The following PTPRT variants were observed in gnomAD, a reference collection of about 807,000 sequenced individuals.
PTPRT encodes protein tyrosine phosphatase receptor type T, also known as receptor-type tyrosine-protein phosphatase T.
PTPRT carries 56 observed loss-of-function variants against 176.8 expected under a neutral mutation model. The ratio of observed to expected loss-of-function variants is 0.32; its 90% CI spans 0.26 to 0.40. The LOEUF is 0.40. PTPRT is among the 10% of genes least tolerant of loss of function. The pLI is 1.00. For synonymous variants in PTPRT, 783 were observed against 739.0 expected (o/e 1.06, Z -0.96); for missense variants, 1,540 against 1,908.2 (o/e 0.81, Z 3.60).
the PTPRT span, among the ~76,000 whole-genome samples, chr20:42,034,165 T>C: frequency 6.6e-6 from 1 of 152,150 alleles, no homozygotes; most frequent in Non-Finnish European, 1.5e-5. Context: ...AATCAAGGTG[T>C]TGAATGAGAC....
At chr20:43,176,440 G>A (rs180886115) in intron 1 of PTPRT, among the ~76,000 whole-genome samples, 7 of 152,340 alleles carry the variant, frequency 4.6e-5, no homozygotes, top group African/African-American at 1.7e-4. Flanking sequence ...ATTACAAAGA[G>A]AAGTGCAATT....
At chr20:42,340,889 G>T (rs1197390670) in intron 11 of PTPRT, among the ~76,000 whole-genome samples, 1 of 152,102 alleles carries the variant, frequency 6.6e-6, no homozygotes, top group Admixed American at 6.5e-5. Context: ...CATCTTGCAA[G>T]GTCACCGAGT....
At chr20:43,130,590 T>C (rs970738993) in intron 1 of PTPRT, among the ~76,000 whole-genome samples, 73 of 152,240 alleles carry the variant, frequency 4.8e-4, no homozygotes, top group African/African-American at 1.5e-3. Context: ...AAGGAACTTA[T>C]TTTTTACATA....
At chr20:43,180,597 G>A (rs910486405) in intron 1 of PTPRT, among the ~76,000 whole-genome samples, 3 of 151,912 alleles carry the variant, frequency 2.0e-5, no homozygotes, top group Non-Finnish European at 2.9e-5. Context: ...CCAAGTAGCT[G>A]GGACTACAGG....
At chr20:42,766,111 T>TA (rs1220064468) in intron 5 of PTPRT, among the ~76,000 whole-genome samples, 1 of 152,202 alleles carries the variant, frequency 6.6e-6, no homozygotes, top group Non-Finnish European at 1.5e-5. Context: ...TAGCCCCACC[T>TA]AGTTGTATCC....
intron 9 of PTPRT, 33 bp from the exon 10 acceptor site, chr20:42,352,318 TA>T: frequency 1.2e-6 from 2 of 1,607,152 alleles, no homozygotes; most frequent in Non-Finnish European, 1.7e-6. Flanking sequence ...AACAAACAAA[TA>T]AATGCCTCAC....
intron 14 of PTPRT, among the ~76,000 whole-genome samples, chr20:42,238,114 A>G (rs1228404805): frequency 6.6e-6 from 1 of 152,182 alleles, no homozygotes; most frequent in African/African-American, 2.4e-5. Flanking sequence ...CCCTCGTTTT[A>G]TAATTAAGAG....
At chr20:42,165,922 A>G (rs1989805682) in intron 16 of PTPRT, among the ~76,000 whole-genome samples, 1 of 152,232 alleles carries the variant, frequency 6.6e-6, no homozygotes, top group Admixed American at 6.5e-5. Flanking sequence ...GAAAAAGAAC[A>G]CATGAAAGTA....
chr20:42,624,005 C>CAAAAAAAAAAAAAAACAAACA (rs1159094345), intron 7 of PTPRT, among the ~76,000 whole-genome samples: 5 of 135,686 alleles, frequency 3.7e-5, no homozygotes, highest in African/African-American at 6.4e-5. Flanking sequence ...AAAACAATAG[C>CAAAAAAAAAAAAAAACAAACA]AACAAACAAA....
chr20:42,104,907 G>GTGGGTCTTGTTTCTGATAGAAGA (rs1986288824), intron 24 of PTPRT, among the ~76,000 whole-genome samples, 189 bp from the exon 25 acceptor site: 1 of 152,156 alleles, frequency 6.6e-6, no homozygotes, highest in Non-Finnish European at 1.5e-5. Context: ...CTGAGCTATG[G>GTGGGTCTTGTTTCTGATAGAAGA]TGGGTCTTGT....
At chr20:42,964,548 GT>G (rs1982186753) in intron 1 of PTPRT, among the ~76,000 whole-genome samples, 1 of 151,970 alleles carries the variant, frequency 6.6e-6, no homozygotes, top group Non-Finnish European at 1.5e-5. Flanking sequence ...TACAGTAATA[GT>G]TTGAGAATTT....
chr20:42,845,653 A>T (rs1569187828), intron 2 of PTPRT, among the ~76,000 whole-genome samples: 1 of 152,176 alleles, frequency 6.6e-6, no homozygotes, highest in Non-Finnish European at 1.5e-5. Context: ...CATGGCAGAG[A>T]ACTCCCTGGG....
intron 24 of PTPRT, among the ~76,000 whole-genome samples, 162 bp from the exon 25 acceptor site, chr20:42,104,880 T>C (rs924396941): frequency 6.6e-6 from 1 of 152,212 alleles, no homozygotes; most frequent in Non-Finnish European, 1.5e-5. Context: ...CAAATTTCCA[T>C]GTTTCCTAAT....
At chr20:42,318,985 A>G (rs934032601) in intron 11 of PTPRT, among the ~76,000 whole-genome samples, 2 of 152,160 alleles carry the variant, frequency 1.3e-5, no homozygotes, top group Admixed American at 6.5e-5. Flanking sequence ...GTTGTGGCCA[A>G]GCAAGAAGAT....
intron 11 of PTPRT, among the ~76,000 whole-genome samples, chr20:42,338,043 G>A (rs2058064394): frequency 6.6e-6 from 1 of 152,176 alleles, no homozygotes; most frequent in Non-Finnish European, 1.5e-5. Flanking sequence ...TCTGCCTGGA[G>A]CCTATGGGCT....
intron 1 of PTPRT, among the ~76,000 whole-genome samples, chr20:42,946,609 A>G (rs1023828206): frequency 2.6e-5 from 4 of 152,316 alleles, no homozygotes; most frequent in South Asian, 2.1e-4. Flanking sequence ...AAATACAACC[A>G]TTAGATTATC....
At chr20:42,438,713 A>T (rs1193817982) in intron 9 of PTPRT, among the ~76,000 whole-genome samples, 1 of 152,224 alleles carries the variant, frequency 6.6e-6, no homozygotes, top group Non-Finnish European at 1.5e-5. Context: ...AGCAACCTTT[A>T]TTGTTTTCCA....
At chr20:42,046,582 G>A in the PTPRT span, among the ~76,000 whole-genome samples, 2 of 152,156 alleles carry the variant, frequency 1.3e-5, no homozygotes, top group East Asian at 1.9e-4. Context: ...GTTTATAAAC[G>A]ACTTACAGTG....
intron 3 of PTPRT, among the ~76,000 whole-genome samples, chr20:42,788,386 C>T (rs1178986122): frequency 6.6e-6 from 1 of 152,130 alleles, no homozygotes; most frequent in Non-Finnish European, 1.5e-5. Flanking sequence ...AATTTACTCT[C>T]TCTTTTTCTC....
Sources: allele counts gnomAD v4.1 joint callset (sites outside exome capture counted in the v4.1 genomes callset), GRCh38; gene constraint gnomAD v4.1.1; transcripts MANE v1.5; gene names NCBI Gene and HGNC (gene_info 2026-07-23, HGNC 2026-07-21).